PECR: variants seen among roughly 807,000 people sequenced by gnomAD.
The protein encoded by PECR is 2,4-dienoyl-CoA reductase-related protein.
In PECR, 30 loss-of-function variants were observed where a neutral mutation model predicts 35.3. The observed-to-expected ratio is 0.85, with a 90% CI of 0.64 to 1.15. The LOEUF (loss-of-function observed/expected upper bound fraction) is 1.15, where lower values mean the gene tolerates loss of function less well. Among genes scored for constraint, PECR ranks in the 50% most tolerant of loss-of-function variants. The pLI, the probability that PECR is intolerant of heterozygous loss-of-function variation, is 0.00. For missense variants in PECR, 392 were observed against 370.8 expected (o/e 1.06, Z -0.47); for synonymous variants, 148 against 138.9 (o/e 1.07, Z -0.46).
chr2:216,030,242 A>T (rs978161196), intron 7 of PECR, among the ~76,000 whole-genome samples: 5 of 152,136 alleles, frequency 3.3e-5, no homozygotes, highest in East Asian at 1.9e-4. Flanking sequence ...TCCATTAAAA[A>T]TTTTCAAAAT....
intron 1 of PECR, among the ~76,000 whole-genome samples, chr2:216,071,842 A>G (rs530747644): frequency 6.6e-6 from 1 of 152,240 alleles, no homozygotes; most frequent in African/African-American, 2.4e-5. Context: ...AGGTCCCTTC[A>G]GGTCTCTGTT....
chr2:216,031,832 A>G (rs1004019520), intron 7 of PECR, among the ~76,000 whole-genome samples: 2 of 152,224 alleles, frequency 1.3e-5, no homozygotes, highest in Non-Finnish European at 2.9e-5. Context: ...AATGTCTCAC[A>G]GCTAAATCTC....
intron 7 of PECR, among the ~76,000 whole-genome samples, chr2:216,031,565 A>G (rs1480622380): frequency 1.4e-5 from 2 of 146,172 alleles, no homozygotes; most frequent in African/African-American, 2.6e-5. Flanking sequence ...GAGGGAGGGA[A>G]GGAAGGAAGG....
chr2:216,045,077 A>G (rs1694966288), intron 6 of PECR, among the ~76,000 whole-genome samples: 1 of 152,146 alleles, frequency 6.6e-6, no homozygotes, highest in African/African-American at 2.4e-5. Context: ...TTAAGGAGGT[A>G]TTCACTCTCA....
downstream of PECR, among the ~76,000 whole-genome samples, chr2:216,034,663 G>A (rs909606644): frequency 3.9e-5 from 6 of 152,148 alleles, no homozygotes; most frequent in Non-Finnish European, 8.8e-5. Flanking sequence ...ATCTACAATG[G>A]AATGAAAAGT....
intron 7 of PECR, among the ~76,000 whole-genome samples, chr2:216,031,223 A>G (rs1694684067): frequency 6.6e-6 from 1 of 151,970 alleles, no homozygotes; most frequent in Admixed American, 6.6e-5. Context: ...CCTGGCCAAC[A>G]CGGTGAAACC....
intron 6 of PECR, among the ~76,000 whole-genome samples, chr2:216,044,963 C>T (rs1416650401): frequency 6.6e-6 from 1 of 152,142 alleles, no homozygotes; most frequent in African/African-American, 2.4e-5. Context: ...AGGATCATTG[C>T]AATTGTAAGC....
downstream of PECR, among the ~76,000 whole-genome samples, chr2:216,036,693 G>T (rs1694798054): frequency 6.6e-6 from 1 of 152,116 alleles, no homozygotes; most frequent in Non-Finnish European, 1.5e-5. Context: ...CTTTTACAGG[G>T]GTCAGCCTTG....
chr2:216,048,843 CAAAAAAA>C (rs59623283), intron 6 of PECR, among the ~76,000 whole-genome samples: 770 of 74,102 alleles, frequency 0.01, 18 homozygotes, highest in African/African-American at 0.036. Context: ...CTGTCTCAAG[CAAAAAAA>C]AAAAAAAAAA....
In PECR at chr2:216,065,435, T is replaced by C; in HGVS notation, c.301A>G (p.Ile101Val). 6.2e-7 allele frequency: 1 copy of C among 1,607,402 alleles called. No homozygotes were observed. The highest frequency in any genetic ancestry group is 2.2e-5 in the East Asian group (1 of 44,852). The change falls in exon 3 of 8, where the codon ATC becomes GTC. Residue 101 changes from isoleucine (I) to valine (V), a missense_variant. Physicochemically the swap from Ile to Val is conservative, Grantham distance 29. Transcript: ENST00000265322. ...VKSTLDTFGKINFLVNNGGGQ... is the reference protein window; with the variant it reads ...VKSTLDTFGKVNFLVNNGGGQ... ...CCTCCATTGTTCACCAAGAAATTGA[T>C]CTTACCAAAAGTATCTAAGGTAGAT...
rs770567646 is a variant in PECR, at chr2:216,081,781, T to C, written c.-40A>G. 2 of 1,607,582 alleles carry C rather than the reference T, an allele frequency of 1.2e-6. No homozygotes were observed. Among genetic ancestry groups the C allele is most frequent in the Non-Finnish European group, 8.5e-7 (1 of 1,178,872 alleles). ...GCCAGAGCAGCTGAGCGCAGGCCCT[T>C]CTGGGTCTCAGGGACATTCGAGGCG... On this transcript the variant is annotated 5_prime_UTR_variant, in exon 1 of 8. Transcript: ENST00000265322.
chr2:216,064,593 T>C (rs891258430), intron 3 of PECR, among the ~76,000 whole-genome samples: 10 of 152,146 alleles, frequency 6.6e-5, no homozygotes, highest in Non-Finnish European at 1.0e-4. Flanking sequence ...GTGAGAAAAA[T>C]AAACTCATAT....
chr2:216,039,676 C>A (rs10498052), intron 7 of PECR, among the ~76,000 whole-genome samples: 1 of 152,092 alleles, frequency 6.6e-6, no homozygotes. Context: ...TACTGTGGAT[C>A]GTCAATAAAT....
intron 4 of PECR, 101 bp from the exon 5 acceptor site, chr2:216,051,646 A>G (rs1197548735): frequency 5.1e-6 from 4 of 783,508 alleles, no homozygotes; most frequent in South Asian, 2.8e-5. Context: ...GAATTCCACA[A>G]GAGACTTCTT....
At chr2:216,031,104 C>T (rs532919755) in intron 7 of PECR, among the ~76,000 whole-genome samples, 3 of 152,150 alleles carry the variant, frequency 2.0e-5, no homozygotes, top group East Asian at 1.9e-4. Flanking sequence ...ATGGTAACAA[C>T]GCGTTAGAAA....
At chr2:216,031,421 A>AAAGG (rs1694689114) in intron 7 of PECR, among the ~76,000 whole-genome samples, 2 of 70,216 alleles carry the variant, frequency 2.8e-5, no homozygotes, top group Non-Finnish European at 6.5e-5. Flanking sequence ...AGAAAGGAAG[A>AAAGG]AAGAAAGAAA....
chr2:216,073,433 TAC>T (rs1274456999), intron 1 of PECR, among the ~76,000 whole-genome samples: 2 of 152,142 alleles, frequency 1.3e-5, no homozygotes. Context: ...AGCCTGTGTG[TAC>T]AGTGTTTATA....
intron 7 of PECR, among the ~76,000 whole-genome samples, chr2:216,040,163 G>A (rs559601938): frequency 6.6e-6 from 1 of 152,314 alleles, no homozygotes; most frequent in Non-Finnish European, 1.5e-5. Flanking sequence ...ACTAAGTCAA[G>A]TCTTACCTGT....
chr2:216,061,129 CAAAA>C (rs151215904), intron 3 of PECR, among the ~76,000 whole-genome samples: 13 of 52,402 alleles, frequency 2.5e-4, no homozygotes, highest in South Asian at 2.1e-3. Context: ...CCGGCTCTAC[CAAAA>C]AAAAAAAAAA....
Sources: allele counts gnomAD v4.1 joint callset (sites outside exome capture counted in the v4.1 genomes callset), GRCh38; gene constraint gnomAD v4.1.1; transcripts MANE v1.5; gene names NCBI Gene and HGNC (gene_info 2026-07-23, HGNC 2026-07-21).